Variants in CTNNB1 observed in about 807,000 individuals in gnomAD.
CTNNB1 encodes catenin beta-1.
In CTNNB1, 6 loss-of-function variants were observed where a neutral mutation model predicts 82.5. That is an observed-to-expected ratio of 0.07 (90% CI 0.04 to 0.14). The LOEUF (loss-of-function observed/expected upper bound fraction) is 0.14, where lower values mean the gene tolerates loss of function less well. Ranked by LOEUF, CTNNB1 falls within the 10% of genes least tolerant of loss-of-function variation. The pLI is 1.00. For missense variants in CTNNB1, 529 were observed against 980.4 expected (o/e 0.54, Z 6.15); for synonymous variants, 312 against 329.7 (o/e 0.95, Z 0.58).
At position 41,227,180 on chromosome 3, in the gene CTNNB1, A is replaced by G. The variant is rs199860505; in HGVS notation, c.937-28A>G. The G allele has an allele frequency of 8.2e-6, 13 of 1,581,210 alleles. No individual in the cohort carries two copies. The East Asian group carries it at 2.0e-4, about 24-fold the overall frequency. ...GACATGTGATCAAGATTCCTTGACT[A>G]ACAAGATATATATATATATCTTTCT... On this transcript the variant is annotated intron_variant, in intron 6 of 14. Transcript: ENST00000349496.
chr3:41,234,366 T>A (rs2125642349), intron 10 of CTNNB1, 69 bp downstream of exon 10: 1 of 1,528,702 alleles, frequency 6.5e-7, no homozygotes, highest in Non-Finnish European at 9.1e-7. Context: ...ATCCTGAACT[T>A]CTTTCTTTGG....
chr3:41,200,733 C>A (rs1575275735), intron 1 of CTNNB1, among the ~76,000 whole-genome samples: 1 of 152,122 alleles, frequency 6.6e-6, no homozygotes, highest in East Asian at 1.9e-4. Flanking sequence ...CGAGACTTTT[C>A]GAAGTTAAGT....
chr3:41,226,056 T>A (rs913731495), intron 6 of CTNNB1, among the ~76,000 whole-genome samples, 195 bp downstream of exon 6: 7 of 152,056 alleles, frequency 4.6e-5, no homozygotes, highest in Non-Finnish European at 7.4e-5. Context: ...TAGATTCTCA[T>A]AGGGAGCGTG....
intron 1 of CTNNB1, chr3:41,199,962 T>G (rs866916275): frequency 9.0e-3 from 108 of 12,018 alleles, no homozygotes; most frequent in South Asian, 0.024. Flanking sequence ...GCAGGCGGGG[T>G]GGGGGTGGGG....
At chr3:41,237,785 T>C in intron 13 of CTNNB1, 1 of 542,406 alleles carries the variant, frequency 1.8e-6, no homozygotes, top group Non-Finnish European at 3.3e-6. Context: ...AATATAATAT[T>C]TGTTGAAAGA....
chr3:41,213,088 C>T (rs1416138538), intron 1 of CTNNB1, among the ~76,000 whole-genome samples: 6 of 152,202 alleles, frequency 3.9e-5, no homozygotes, highest in Non-Finnish European at 8.8e-5. Flanking sequence ...TCACGTAGAA[C>T]AGAAAACACT....
At chr3:41,213,443 AT>A (rs1439360869) in intron 1 of CTNNB1, among the ~76,000 whole-genome samples, 1 of 151,998 alleles carries the variant, frequency 6.6e-6, no homozygotes, top group African/African-American at 2.4e-5. Context: ...CTTTTTTGTA[AT>A]TGTTTATTTG....
rs2125620944 is a variant in CTNNB1 at position 41,225,154 on chromosome 3, C to T, written c.442C>T (p.Leu148Phe). The change falls in exon 4 of 15, where the codon CTT (leucine) becomes TTT (phenylalanine). Residue 148 changes from leucine (L) to phenylalanine (F), a missense_variant. Leu to Phe is a conservative substitution (Grantham distance 22, BLOSUM62 0). Transcript: ENST00000349496. The surrounding 1 kb of genome is among the most constrained non-coding windows in gnomAD (Gnocchi z 5.3). ...GATTAACTATCAAGATGATGCAGAA[C>T]TTGCCACACGTGCAATCCCTGAACT... ...NLINYQDDAE[L>F]ATRAIPELTK... 6.2e-7 allele frequency: 1 copy of T among 1,614,108 alleles called. No homozygotes were observed. The highest frequency in any genetic ancestry group is 8.5e-7 in the Non-Finnish European group (1 of 1,180,002).
intron 13 of CTNNB1, chr3:41,237,697 C>CT (rs548643863): frequency 0.023 from 3,234 of 139,964 alleles, 96 homozygotes; most frequent in African/African-American, 0.072. Flanking sequence ...GGCATTTTGC[C>CT]TTTTTTTTTT....
In CTNNB1 at chr3:41,233,461, C is replaced by CT; in HGVS notation, c.1185+18dup. 6.2e-7 allele frequency: 1 copy of CT among 1,613,708 alleles called. No individual in the cohort carries two copies. The highest frequency in any genetic ancestry group is 2.2e-5 in the East Asian group (1 of 44,878). On this transcript the variant is annotated intron_variant, in intron 8 of 14. Coordinates refer to ENST00000349496, the MANE Select transcript of CTNNB1 (RefSeq NM_001904.4). The stretch of plus-strand genomic sequence containing the variant: ...ACTAAACAGGTAAATTCTGAGTAAA[C>CT]TGGTGCCATGGGAATAGAGTCAAGA...
At chr3:41,226,543 T>C (rs1349875049) in intron 6 of CTNNB1, among the ~76,000 whole-genome samples, 7 of 152,084 alleles carry the variant, frequency 4.6e-5, no homozygotes, top group Admixed American at 3.9e-4. Context: ...AGATGGAAAG[T>C]TTTGGGAATT....
intron 1 of CTNNB1, chr3:41,220,732 T>C (rs1013614838): frequency 6.6e-6 from 1 of 152,214 alleles, no homozygotes; most frequent in Non-Finnish European, 1.5e-5. Flanking sequence ...ATCTTGATTA[T>C]TGGAAAAGTG....
rs2125620126 is a variant in CTNNB1, at chr3:41,225,039, C to T, written c.327C>T (p.Ile109=). ...FPETLDEGMQ[I]PSTQFDAAHP... ...AGACATTAGATGAGGGCATGCAGATCCCATCTACACAGTTTGATGCTGCTC... is the reference window on the plus strand; with the variant it reads ...AGACATTAGATGAGGGCATGCAGATTCCATCTACACAGTTTGATGCTGCTC... The change falls in exon 4 of 15, where the codon ATC becomes ATT. Residue 109 remains isoleucine, a synonymous_variant. Transcript: ENST00000349496. This position sits in a 1 kb window ranked among gnomAD's most constrained non-coding sequence, Gnocchi z 5.3. The T allele has an allele frequency of 6.2e-7, 1 of 1,613,468 alleles. No individual in the cohort carries two copies. Among genetic ancestry groups the T allele is most frequent in the Middle Eastern group, 1.6e-4 (1 of 6,062 alleles).
At position 41,225,625 on chromosome 3, in the gene CTNNB1, C is replaced by A. The variant is rs1251591180; in HGVS notation, c.735-35C>A. The stretch of plus-strand genomic sequence containing the variant: ...GCTAAAAAGTAGAAGAGTATACTCA[C>A]AATATTTCTGATGAGGCTTTTTTCT... On this transcript the variant is annotated intron_variant, in intron 5 of 14. Coordinates refer to ENST00000349496, the MANE Select transcript of CTNNB1 (RefSeq NM_001904.4). This position sits in a 1 kb window ranked among gnomAD's most constrained non-coding sequence, Gnocchi z 5.3. 2.5e-6 allele frequency: 4 copies of A among 1,613,772 alleles called. No individual in the cohort carries two copies. The highest frequency in any genetic ancestry group is 2.2e-5 in the South Asian group (2 of 91,076).
In CTNNB1 at chr3:41,224,527, T is replaced by C. The variant is rs2125616623; in HGVS notation, c.15T>C (p.Ala5=). ...GCTAATACTGTTTCGTATTTATAGC[T>C]GATTTGATGGAGTTGGACATGGCCA... MATQ[A]DLMELDMAME... is the part of the protein sequence containing the mutation. Residue 5 remains alanine (A), a splice_region_variant and synonymous_variant, in exon 3 of 15, where the codon GCT becomes GCC. Transcript: ENST00000349496. 3 of 1,613,432 alleles carry C rather than the reference T, an allele frequency of 1.9e-6. No homozygotes were observed. The highest frequency in any genetic ancestry group is 1.7e-5 in the Admixed American group (1 of 59,894).
intron 6 of CTNNB1, 122 bp from the exon 7 acceptor site, chr3:41,227,085 AT>A: frequency 1.2e-6 from 1 of 835,304 alleles, no homozygotes; most frequent in East Asian, 2.5e-5. Context: ...CCAGGAATAC[AT>A]TTAGGTCCAA....
At chr3:41,212,415 A>G (rs1043943195) in intron 1 of CTNNB1, among the ~76,000 whole-genome samples, 4 of 152,060 alleles carry the variant, frequency 2.6e-5, no homozygotes, top group African/African-American at 9.7e-5. Flanking sequence ...CTCTCATCCC[A>G]GTTTGTGATA....
intron 1 of CTNNB1, among the ~76,000 whole-genome samples, chr3:41,214,836 A>T (rs2077878148): frequency 6.6e-6 from 1 of 152,178 alleles, no homozygotes; most frequent in African/African-American, 2.4e-5. Flanking sequence ...ATGAAATTCA[A>T]ATTTCAGTTT....
intron 1 of CTNNB1, among the ~76,000 whole-genome samples, chr3:41,203,551 ATTGTCAAT>A (rs2077583149): frequency 6.6e-6 from 1 of 152,196 alleles, no homozygotes; most frequent in Non-Finnish European, 1.5e-5. Flanking sequence ...GAAAATGTGA[ATTGTCAAT>A]TTGTCTAAAA....
Sources: allele counts gnomAD v4.1 joint callset (sites outside exome capture counted in the v4.1 genomes callset), GRCh38; gene constraint gnomAD v4.1.1; non-coding constraint Gnocchi (gnomAD v3.1); transcripts MANE v1.5; gene names NCBI Gene and HGNC (gene_info 2026-07-23, HGNC 2026-07-21).